Variants in HERC2 observed in about 807,000 individuals in gnomAD.
The protein encoded by HERC2 is HECT and RLD domain containing E3 ubiquitin protein ligase 2.
HERC2 carries 102 observed loss-of-function variants against 537.7 expected under a neutral mutation model. That is an observed-to-expected ratio of 0.19 (90% CI 0.16 to 0.22). HERC2 has a LOEUF of 0.22. Among genes scored for constraint, HERC2 ranks in the 10% least tolerant of loss-of-function variants. The pLI is 1.00. For synonymous variants in HERC2, 2,224 were observed against 2,466.2 expected (o/e 0.90, Z 2.91); for missense variants, 4,236 against 6,198.2 (o/e 0.68, Z 10.63).
intron 20 of HERC2, among the ~76,000 whole-genome samples, chr15:28,252,587 A>G (rs2075119441): frequency 2.0e-5 from 3 of 152,160 alleles, no homozygotes; most frequent in Admixed American, 6.5e-5. Flanking sequence ...TTATTCCTAT[A>G]GTTACTGTGT....
At chr15:28,135,275 T>TC in intron 79 of HERC2, among the ~76,000 whole-genome samples, 1 of 152,206 alleles carries the variant, frequency 6.6e-6, no homozygotes, top group East Asian at 1.9e-4. Context: ...GACTTTTTTT[T>TC]CCCTCTCAAC....
At chr15:28,254,227 G>A in intron 20 of HERC2, 113 bp downstream of exon 20, 3 of 685,472 alleles carry the variant, frequency 4.4e-6, no homozygotes, top group African/African-American at 1.9e-5. Context: ...AGCTTGCAGT[G>A]AGCCAAGATG....
intron 23 of HERC2, among the ~76,000 whole-genome samples, chr15:28,244,182 A>G (rs901037779): frequency 1.3e-5 from 2 of 152,176 alleles, no homozygotes; most frequent in African/African-American, 2.4e-5. Context: ...AAGGTAACAT[A>G]TTTACTTTAA....
In HERC2 at chr15:28,214,040, C is replaced by T. The variant is rs550138846; in HGVS notation, c.6555+36G>A. The T allele has an allele frequency of 8.0e-5, 129 of 1,610,002 alleles. 3 individuals are homozygous for T. In the South Asian group the frequency reaches 1.2e-3, roughly 15 times the overall value. On this transcript the variant is annotated intron_variant, in intron 41 of 92. Transcript: ENST00000261609. Reference sequence around the variant, plus strand: ...AGCTGCCCAATCCCTACAGGTTCACCGTTGAACTAAATTAATTCTGAGAAC... The same window carrying T: ...AGCTGCCCAATCCCTACAGGTTCACTGTTGAACTAAATTAATTCTGAGAAC...
At chr15:28,245,427 G>C (rs1437751352) in intron 23 of HERC2, among the ~76,000 whole-genome samples, 1 of 151,752 alleles carries the variant, frequency 6.6e-6, no homozygotes, top group African/African-American at 2.4e-5. Flanking sequence ...TGCACCTGTG[G>C]TGCCAGCTAC....
intron 56 of HERC2, 36 bp from the exon 57 acceptor site, chr15:28,182,548 GA>G (rs1316595664): frequency 2.1e-6 from 3 of 1,455,306 alleles, no homozygotes; most frequent in Non-Finnish European, 2.9e-6. Flanking sequence ...AAAGAAAAGA[GA>G]GGTTATTCAG....
Position 28,292,937 on chromosome 15 carries a change from T to C in HERC2, c.273A>G (p.Ile91Met), listed in dbSNP as rs773527475. 10 of 1,611,156 alleles carry C rather than the reference T, an allele frequency of 6.2e-6. No individual in the cohort carries two copies. The South Asian group carries it at 8.8e-5, about 14-fold the overall frequency. Residue 91 changes from isoleucine to methionine, a missense_variant, in exon 4 of 93, where the codon ATA (isoleucine) becomes ATG (methionine). Transcript: ENST00000261609. ...TGTCCAGAATTGACTTGGCCCTATA[T>C]ATAGGTGCAGGAGTTTCTTCTTCAT... Reference protein sequence around the residue: ...KKDEEETPAPIYRAKSILDSW... With the variant: ...KKDEEETPAPMYRAKSILDSW...
chr15:28,275,146 C>A (rs1047268976), intron 5 of HERC2, 141 bp from the exon 6 acceptor site: 2 of 481,262 alleles, frequency 4.2e-6, no homozygotes, highest in South Asian at 4.2e-5. Flanking sequence ...GTGGATTTTT[C>A]GTTTTGTTGT....
At chr15:28,185,767 T>C (rs1242052569) in intron 56 of HERC2, among the ~76,000 whole-genome samples, 1 of 152,218 alleles carries the variant, frequency 6.6e-6, no homozygotes, top group Non-Finnish European at 1.5e-5. Context: ...TCCTGACAGA[T>C]CAATGCTCCA....
intron 48 of HERC2, among the ~76,000 whole-genome samples, chr15:28,200,391 C>T (rs141653387): frequency 0.077 from 11,605 of 151,296 alleles, 1,525 homozygotes; most frequent in African/African-American, 0.27. Context: ...CGAGACTCTG[C>T]CTCAAAAAAC....
chr15:28,284,605 T>C (rs2076104035), intron 4 of HERC2, among the ~76,000 whole-genome samples: 2 of 151,750 alleles, frequency 1.3e-5, no homozygotes, highest in African/African-American at 2.4e-5. Context: ...TTATATCAAA[T>C]AAAGTAAACT....
Position 28,130,191 on chromosome 15 carries a change from G to C in HERC2, c.12774C>G (p.Ser4258=). Residue 4258 remains serine, a synonymous_variant, in exon 83 of 93, where the codon TCC becomes TCG. Coordinates refer to ENST00000261609, the MANE Select transcript of HERC2 (RefSeq NM_004667.6). The part of the protein sequence containing the change: ...GKKVIAIATG[S]LHCVCCTEDG... ...CCTCTGTGCAGCACACACAGTGCAG[G>C]GAGCCAGTGGCGATGGCGATGACTT... 1 of 1,614,148 alleles carries C rather than the reference G, an allele frequency of 6.2e-7. No individual in the cohort carries two copies. The highest frequency in any genetic ancestry group is 8.5e-7 in the Non-Finnish European group (1 of 1,180,018).
intron 83 of HERC2, among the ~76,000 whole-genome samples, chr15:28,127,001 A>G (rs1889567082): frequency 6.6e-6 from 1 of 152,236 alleles, no homozygotes. Flanking sequence ...ATACCACCGG[A>G]AAATATTCTC....
rs759567478 is a variant in HERC2, at chr15:28,236,991, C to T, written c.3975G>A (p.Pro1325=). 14 of 1,611,654 alleles carry T rather than the reference C, an allele frequency of 8.7e-6. No individual in the cohort carries two copies. The highest frequency in any genetic ancestry group is 2.2e-4 in the Middle Eastern group (1 of 4,452). The part of the protein sequence containing the change: ...LHASYLAMST[P]LSPVEIECAK... The stretch of plus-strand genomic sequence containing the variant: ...CACATTCAATCTCGACAGGAGACAG[C>T]GGTGTGCTCATTGCCAAATACGAAG... Residue 1325 remains proline, a synonymous_variant, in exon 26 of 93, where the codon CCG becomes CCA. Transcript: ENST00000261609.
intron 14 of HERC2, among the ~76,000 whole-genome samples, chr15:28,263,508 G>C (rs1304416027): frequency 3.3e-5 from 5 of 152,190 alleles, no homozygotes; most frequent in Non-Finnish European, 7.3e-5. Context: ...GCACATTGCA[G>C]ATGCTTGCGG....
intron 25 of HERC2, among the ~76,000 whole-genome samples, chr15:28,237,415 C>T (rs1186278260): frequency 6.6e-6 from 1 of 152,214 alleles, no homozygotes; most frequent in East Asian, 1.9e-4. Flanking sequence ...AGTGACTGTA[C>T]ACCATGCTTC....
In HERC2 at chr15:28,176,802, C is replaced by T; in HGVS notation, c.9433-34G>A. 1 of 1,603,234 alleles carries T rather than the reference C, an allele frequency of 6.2e-7. No individual in the cohort carries two copies. The highest frequency in any genetic ancestry group is 1.7e-5 in the Admixed American group (1 of 59,984). On this transcript the variant is annotated intron_variant, in intron 61 of 92. Coordinates refer to ENST00000261609, the MANE Select transcript of HERC2 (RefSeq NM_004667.6). This position sits in a 1 kb window ranked among gnomAD's most constrained non-coding sequence, Gnocchi z 5.0. Reference sequence around the variant, plus strand: ...TTACAAATTTAAAAACAGAATCACGCACAGGCACGGAGAAAGCAATGGATT... The same window carrying T: ...TTACAAATTTAAAAACAGAATCACGTACAGGCACGGAGAAAGCAATGGATT...
At chr15:28,250,197 GAA>G (rs982372754) in intron 20 of HERC2, among the ~76,000 whole-genome samples, 13 of 152,112 alleles carry the variant, frequency 8.5e-5, no homozygotes, top group Non-Finnish European at 1.6e-4. Flanking sequence ...GCTCACACCA[GAA>G]AAAACTACCA....
Position 28,256,192 on chromosome 15 carries a change from G to C in HERC2, c.2643C>G (p.Thr881=). The part of the protein sequence containing the change: ...TLASSAGVLS[T]VQSAAQAVLQ... The stretch of plus-strand genomic sequence containing the variant: ...GCACGGCCTGGGCGGCCGACTGCAC[G>C]GTGCTCAGCACGCCCGCACTGCTGG... The change falls in exon 18 of 93, where the codon ACC becomes ACG. Residue 881 remains threonine (T), a synonymous_variant. Transcript: ENST00000261609. 1 of 1,601,256 alleles carries C rather than the reference G, an allele frequency of 6.2e-7. No individual in the cohort carries two copies. Among genetic ancestry groups the C allele is most frequent in the Non-Finnish European group, 8.5e-7 (1 of 1,179,836 alleles).
Sources: allele counts gnomAD v4.1 joint callset (sites outside exome capture counted in the v4.1 genomes callset), GRCh38; gene constraint gnomAD v4.1.1; non-coding constraint Gnocchi (gnomAD v3.1); transcripts MANE v1.5; gene names NCBI Gene and HGNC (gene_info 2026-07-23, HGNC 2026-07-21).